FGF17: variants seen among roughly 807,000 people sequenced by gnomAD.
FGF17 encodes fibroblast growth factor 17.
A neutral mutation model predicts 23.5 loss-of-function variants in FGF17; 5 were observed. The ratio of observed to expected loss-of-function variants is 0.21; its 90% confidence interval spans 0.11 to 0.45. The LOEUF is 0.45. Ranked by LOEUF, FGF17 falls within the 20% of genes least tolerant of loss-of-function variation. The pLI is 0.99. For missense variants in FGF17, 221 were observed against 306.9 expected (o/e 0.72, Z 2.09); for synonymous variants, 136 against 123.0 (o/e 1.11, Z -0.70).
upstream of FGF17, chr8:22,042,695 C>T (rs544102396): frequency 4.3e-5 from 26 of 605,334 alleles, 1 homozygote; most frequent in Middle Eastern, 1.7e-3. Flanking sequence ...TTTGCAGCCT[C>T]ACTGGCCAGG....
intron 2 of FGF17, chr8:22,044,860 G>A (rs1427973644): frequency 7.1e-6 from 7 of 985,402 alleles, no homozygotes; most frequent in African/African-American, 1.7e-5. Context: ...CCCTAGGAGA[G>A]AGTAGCCCCT....
intron 1 of FGF17, 67 bp from the exon 2 acceptor site, chr8:22,043,078 G>T: frequency 6.2e-7 from 1 of 1,602,498 alleles, no homozygotes; most frequent in South Asian, 1.1e-5. Flanking sequence ...GCGGGGGCGG[G>T]GGCCTGGGTG....
chr8:22,047,025 G>A (rs370950452), intron 4 of FGF17, among the ~76,000 whole-genome samples: 1 of 148,174 alleles, frequency 6.7e-6, no homozygotes, highest in South Asian at 2.1e-4. Context: ...GGGCTAAAGC[G>A]ATCCTCCCAC....
rs1248477297 is a variant in FGF17 at position 22,043,234 on chromosome 8, AG to A, written c.72+56del. The A allele has an allele frequency of 3.8e-6, 6 of 1,588,582 alleles. No homozygotes were observed. The East Asian group carries it at 1.3e-4, about 35-fold the overall frequency. ...CCCAATTTTTCCACCCTACCTGACC[AG>A]GGCGGGTGCAAGGGACCGGCTCCTT... is the stretch of plus-strand genomic sequence containing the variant. On this transcript the variant is annotated intron_variant, in intron 2 of 4. Transcript: ENST00000359441.
intron 4 of FGF17, among the ~76,000 whole-genome samples, chr8:22,047,476 A>G (rs3176302): frequency 0.03 from 4,639 of 152,292 alleles, 89 homozygotes; most frequent in Non-Finnish European, 0.049. Context: ...TGGTTTGCTT[A>G]TCTTTGTCAA....
At chr8:22,041,184 G>GC (rs1800731422), upstream of FGF17, among the ~76,000 whole-genome samples, 1 of 152,154 alleles carries the variant, frequency 6.6e-6, no homozygotes, top group Non-Finnish European at 1.5e-5. Context: ...GCCAGGGCTT[G>GC]CCCCATCCTC....
Position 22,045,405 on chromosome 8 carries a change from C to T in FGF17, c.73-709C>T, listed in dbSNP as rs1056262103. 12 of 989,618 alleles carry T rather than the reference C, an allele frequency of 1.2e-5. No individual in the cohort carries two copies. In the African/African-American group the frequency reaches 1.9e-4, roughly 16 times the overall value. The allele number at this position is 989,618 out of a possible 1,614,324, so 61.3% of individuals were successfully genotyped here. A position where few individuals can be genotyped will look rare whatever the true frequency, so the allele number is the denominator to read the frequency against. Reference sequence around the variant, plus strand: ...TGCCTGCCTGCTGTCCCATAGTGCCCAGCCCCAGCCCCAGCCCCAGCTCCA... The same window carrying T: ...TGCCTGCCTGCTGTCCCATAGTGCCTAGCCCCAGCCCCAGCCCCAGCTCCA... On this transcript the variant is annotated intron_variant, in intron 2 of 4. Transcript: ENST00000359441.
At chr8:22,046,996 T>C (rs1431848347) in intron 4 of FGF17, among the ~76,000 whole-genome samples, 2 of 147,530 alleles carry the variant, frequency 1.4e-5, no homozygotes, top group African/African-American at 5.0e-5. Flanking sequence ...TATGTTGCCC[T>C]GGCTGGTCTC....
chr8:22,042,549 G>A, upstream of FGF17: 1 of 379,306 alleles, frequency 2.6e-6, no homozygotes, highest in Non-Finnish European at 4.8e-6. Flanking sequence ...GCCAGTCTGT[G>A]AGGGTCAGGA....
rs746732398 is a variant in FGF17, at chr8:22,046,199, G to A, written c.158G>A (p.Arg53His). The change falls in exon 3 of 5, where the codon CGC becomes CAC. Residue 53 changes from arginine to histidine, a missense_variant. By Grantham distance (29) the Arg-to-His change is conservative. Transcript: ENST00000359441. ...MTDQLSRRQI[R>H]EYQLYSRTSG... ...GACCAGCTGAGCAGGCGGCAGATCC[G>A]CGAGTACCAACTCTACAGCAGGACC... 5.6e-6 allele frequency: 9 copies of A among 1,613,948 alleles called. No homozygotes were observed. The highest frequency in any genetic ancestry group is 1.3e-5 in the African/African-American group (1 of 74,946).
chr8:22,041,548 C>G (rs972367666), upstream of FGF17, among the ~76,000 whole-genome samples: 2 of 152,174 alleles, frequency 1.3e-5, no homozygotes, highest in Non-Finnish European at 2.9e-5. Context: ...TCACCGTCAT[C>G]CACTTTTCTG....
chr8:22,045,197 G>A (rs867859584), intron 2 of FGF17: 7 of 985,430 alleles, frequency 7.1e-6, no homozygotes, highest in Middle Eastern at 1.0e-3. Context: ...TGCGTGGGGG[G>A]AAATGGTTCC....
rs761428899 is a variant in FGF17 at position 22,043,221 on chromosome 8, A to G, written c.72+40A>G. The G allele has an allele frequency of 1.2e-5, 19 of 1,601,454 alleles. No individual in the cohort carries two copies. In the South Asian group the frequency reaches 2.0e-4, roughly 17 times the overall value. ...CCACCGGCTTTCCCCCAATTTTTCC[A>G]CCCTACCTGACCAGGGCGGGTGCAA... On this transcript the variant is annotated intron_variant, in intron 2 of 4. Transcript: ENST00000359441.
In FGF17 at chr8:22,042,994, C is replaced by G. The variant is rs3176266; in HGVS notation, c.35+31C>G. On this transcript the variant is annotated intron_variant, in intron 1 of 4. Coordinates refer to ENST00000359441, the MANE Select transcript of FGF17 (RefSeq NM_003867.4). ...TGTGCTACCTCTCCCACTGGAGTTT[C>G]GTTGCCATTTCCAGCCTCAGGGCAG... is the stretch of plus-strand genomic sequence containing the variant. The G allele has an allele frequency of 9.0e-3, 14,505 of 1,611,206 alleles. 1,062 individuals carry two copies. In the African/African-American group the frequency reaches 0.16, roughly 18 times the overall value.
At chr8:22,046,660 A>G in intron 4 of FGF17, 27 bp downstream of exon 4, 1 of 1,520,128 alleles carries the variant, frequency 6.6e-7, no homozygotes, top group Non-Finnish European at 9.1e-7. Flanking sequence ...GGGAAGTAAC[A>G]GAGAATCAGC....
In FGF17 at chr8:22,048,311, A is replaced by C; in HGVS notation, c.*62A>C. The C allele has an allele frequency of 8.0e-5, 107 of 1,335,466 alleles. No homozygotes were observed. Among genetic ancestry groups the C allele is most frequent in the Non-Finnish European group, 9.8e-5 (96 of 975,580 alleles). 82.7% of individuals were successfully genotyped at this position (1,335,466 alleles called of 1,614,324 possible). A position where few individuals can be genotyped will look rare whatever the true frequency, so the allele number is the denominator to read the frequency against. On this transcript the variant is annotated 3_prime_UTR_variant, in exon 5 of 5. Transcript: ENST00000359441. The surrounding 1 kb of genome is among the most constrained non-coding windows in gnomAD (Gnocchi z 6.9). ...CCCCACCCCTTTCCCTTCTTAATCC[A>C]AGGACTGGGCTGGGGTGGCGGGAGG...
At chr8:22,045,397 A>G (rs1800843139) in intron 2 of FGF17, 1 of 989,638 alleles carries the variant, frequency 1.0e-6, no homozygotes, top group Non-Finnish European at 1.2e-6. Context: ...CTGCTGTCCC[A>G]TAGTGCCCAG....
upstream of FGF17, among the ~76,000 whole-genome samples, chr8:22,039,950 G>A (rs920131479): frequency 1.3e-5 from 2 of 152,082 alleles, no homozygotes; most frequent in African/African-American, 4.8e-5. Context: ...CCCCAGCTGG[G>A]GGGTGTTGAA....
chr8:22,042,745 T>C, upstream of FGF17: 1 of 601,242 alleles, frequency 1.7e-6, no homozygotes, highest in Admixed American at 2.7e-5. Flanking sequence ...AATTACGCCC[T>C]CCTCCTCCCC....
Sources: gnomAD v4.1 joint callset for allele counts (sites outside exome capture counted in the v4.1 genomes callset) on GRCh38, gnomAD v4.1.1 for gene constraint, Gnocchi (gnomAD v3.1) non-coding constraint, MANE v1.5 for transcripts, NCBI Gene and HGNC (gene_info 2026-07-23, HGNC 2026-07-21) for gene names.